Variants in RGS6 observed in about 807,000 individuals in gnomAD.
RGS6 encodes the protein regulator of G-protein signaling 6.
RGS6 carries 30 observed loss-of-function variants against 78.5 expected under a neutral mutation model. The observed-to-expected ratio is 0.38, with a 90% confidence interval of 0.29 to 0.52. RGS6 has a LOEUF of 0.52. RGS6 is among the 20% of genes least tolerant of loss of function. RGS6 has a pLI of 0.85. For missense variants in RGS6, 495 were observed against 609.7 expected, an observed-to-expected ratio of 0.81 and a Z score of 1.98; for synonymous variants, 206 against 206.0, an observed-to-expected ratio of 1.00 and a Z score of 0.00.
chr14:72,410,314 G>A lies in RGS6; in HGVS notation c.185-44214G>A, dbSNP rs569817055. 2.6e-5 allele frequency among the ~76,000 whole-genome samples: 4 copies of A among 152,308 alleles called. No individual in the cohort carries two copies. In the East Asian group the frequency reaches 5.8e-4, roughly 22 times the overall value. ...GGTTTTGATTTGCATTTCTCTGATG[G>A]CCAGTGATGATGAGCATTTTTTCAT... On this transcript the variant is annotated intron_variant, in intron 3 of 17. Coordinates refer to ENST00000553525, the MANE Select transcript of RGS6 (RefSeq NM_001204424.2).
At chr14:72,260,857 A>C (rs192074997) in intron 2 of RGS6, among the ~76,000 whole-genome samples, 1 of 152,208 alleles carries the variant, frequency 6.6e-6, no homozygotes, top group African/African-American at 2.4e-5. Context: ...AAAGATGTTC[A>C]GTGGTTGACA....
At chr14:72,168,266 C>G (rs1325308787) in intron 2 of RGS6, among the ~76,000 whole-genome samples, 1 of 152,072 alleles carries the variant, frequency 6.6e-6, no homozygotes, top group Non-Finnish European at 1.5e-5. Context: ...CACGTAAACA[C>G]CCCTCAAACA....
At chr14:71,997,342 G>GT (rs1350244935) in intron 2 of RGS6, among the ~76,000 whole-genome samples, 1 of 152,174 alleles carries the variant, frequency 6.6e-6, no homozygotes, top group East Asian at 1.9e-4. Context: ...CCAGAGCGCA[G>GT]TTGTATACAG....
At chr14:72,610,409 G>A in the RGS6 span, among the ~76,000 whole-genome samples, 1 of 152,174 alleles carries the variant, frequency 6.6e-6, no homozygotes, top group Non-Finnish European at 1.5e-5. Context: ...CACAAATGGA[G>A]GCGCCCTCAC....
chr14:72,176,314 A>G (rs1439084653), intron 2 of RGS6, among the ~76,000 whole-genome samples: 1 of 152,166 alleles, frequency 6.6e-6, no homozygotes, highest in Non-Finnish European at 1.5e-5. Flanking sequence ...CATGGGGCAT[A>G]CTTCCCTATG....
rs796152523 is a variant in RGS6, at chr14:72,057,314, A to G, written c.84+92439A>G. On this transcript the variant is annotated intron_variant, in intron 2 of 17. Transcript: ENST00000553525. Reference sequence around the variant, plus strand: ...GAGTGACAGAGTGAGACTCTATCTGAAAAAAAAAAAAAAAAAAAAAAAAAA... The same window carrying G: ...GAGTGACAGAGTGAGACTCTATCTGGAAAAAAAAAAAAAAAAAAAAAAAAA... Among the ~76,000 whole-genome samples, 116 of 64,684 alleles carry G rather than the reference A, an allele frequency of 1.8e-3. 1 individual carries two copies. The highest frequency in any genetic ancestry group is 4.8e-3 in the African/African-American group (64 of 13,270). 42.4% of individuals were successfully genotyped at this position (64,684 alleles called of 152,430 possible).
intron 2 of RGS6, among the ~76,000 whole-genome samples, chr14:72,171,987 C>T (rs1266935225): frequency 6.6e-6 from 1 of 152,138 alleles, no homozygotes; most frequent in Non-Finnish European, 1.5e-5. Flanking sequence ...CCTGCAGGGT[C>T]GATGAGCTTG....
At chr14:71,944,431 T>C (rs1263689314) in intron 1 of RGS6, among the ~76,000 whole-genome samples, 1 of 152,192 alleles carries the variant, frequency 6.6e-6, no homozygotes, top group Non-Finnish European at 1.5e-5. Context: ...TGCTGTTTTA[T>C]ATAGCACAAG....
intron 2 of RGS6, among the ~76,000 whole-genome samples, chr14:72,056,390 T>G (rs2093622496): frequency 6.6e-6 from 1 of 152,170 alleles, no homozygotes; most frequent in Non-Finnish European, 1.5e-5. Flanking sequence ...TGACTTTCTC[T>G]CCTCATCAAA....
chr14:72,149,246 C>T (rs1023524604), intron 2 of RGS6, among the ~76,000 whole-genome samples: 1 of 152,202 alleles, frequency 6.6e-6, no homozygotes, highest in Non-Finnish European at 1.5e-5. Context: ...GAGACTATCA[C>T]CTTTCATGAC....
At chr14:72,151,341 C>T (rs2096683590) in intron 2 of RGS6, among the ~76,000 whole-genome samples, 1 of 152,190 alleles carries the variant, frequency 6.6e-6, no homozygotes, top group Admixed American at 6.5e-5. Context: ...ACAGATTGCG[C>T]ATGTAATTAC....
chr14:71,877,331 T>G, the RGS6 span, among the ~76,000 whole-genome samples: 1 of 152,224 alleles, frequency 6.6e-6, no homozygotes, highest in Non-Finnish European at 1.5e-5. Context: ...GAAGATTTGG[T>G]CTTTTCACAT....
In RGS6 at chr14:72,548,352, T is replaced by C. The variant is rs911401449; in HGVS notation, c.1422+8258T>C. Among the ~76,000 whole-genome samples, 786 of 132,664 alleles carry C rather than the reference T, an allele frequency of 5.9e-3. 4 individuals are homozygous for C. Among genetic ancestry groups the C allele is most frequent in the African/African-American group, 0.026 (717 of 27,622 alleles). 87.0% of individuals were successfully genotyped at this position (132,664 alleles called of 152,430 possible). A position where few individuals can be genotyped will look rare whatever the true frequency, so the allele number is the denominator to read the frequency against. On this transcript the variant is annotated intron_variant, in intron 17 of 17. Coordinates refer to ENST00000553525, the MANE Select transcript of RGS6 (RefSeq NM_001204424.2). The stretch of plus-strand genomic sequence containing the variant: ...TTGTGTGTGTGTGTGTGCGCGCGTG[T>C]GTGTGTGTGTGTGTGTGTGTTTTAA...
chr14:72,161,205 G>A (rs1406787692), intron 2 of RGS6, among the ~76,000 whole-genome samples: 1 of 152,110 alleles, frequency 6.6e-6, no homozygotes, highest in African/African-American at 2.4e-5. Flanking sequence ...TGAGCACAAG[G>A]AGGGGAACAT....
chr14:71,893,740 G>A, the RGS6 span, among the ~76,000 whole-genome samples: 6 of 152,124 alleles, frequency 3.9e-5, no homozygotes, highest in African/African-American at 1.2e-4. Context: ...TACATCACAC[G>A]TTCATTTTGG....
chr14:72,621,186 G>A, the RGS6 span, among the ~76,000 whole-genome samples: 1 of 150,704 alleles, frequency 6.6e-6, no homozygotes, highest in Non-Finnish European at 1.5e-5. Flanking sequence ...TTCTTGAATA[G>A]TTCATTTGGA....
At chr14:72,439,752 C>A (rs916406287) in intron 3 of RGS6, among the ~76,000 whole-genome samples, 2 of 152,144 alleles carry the variant, frequency 1.3e-5, no homozygotes, top group Admixed American at 6.5e-5. Flanking sequence ...ATGGGTGACA[C>A]CAACAGGAGA....
the RGS6 span, among the ~76,000 whole-genome samples, chr14:71,904,572 G>T: frequency 6.6e-6 from 1 of 152,192 alleles, no homozygotes; most frequent in Non-Finnish European, 1.5e-5. Context: ...ATGTTGTTTG[G>T]GCCTCTGAGT....
At chr14:72,363,999 T>TAAAAAAAAAAAAAAAAAA (rs55943058) in intron 3 of RGS6, among the ~76,000 whole-genome samples, 3 of 46,756 alleles carry the variant, frequency 6.4e-5, no homozygotes, top group Non-Finnish European at 9.1e-5. Flanking sequence ...TGGACAAGGC[T>TAAAAAAAAAAAAAAAAAA]AAAAAAAAAA....
Sources: gnomAD v4.1 joint callset for allele counts (sites outside exome capture counted in the v4.1 genomes callset) on GRCh38, gnomAD v4.1.1 for gene constraint, MANE v1.5 for transcripts, NCBI Gene and HGNC (gene_info 2026-07-23, HGNC 2026-07-21) for gene names.